The following DSE variants were observed in gnomAD, a reference collection of about 807,000 sequenced individuals.
The protein encoded by DSE is dermatan-sulfate epimerase.
A neutral mutation model predicts 84.4 loss-of-function variants in DSE; 36 were observed. That is an observed-to-expected ratio of 0.43 (90% CI 0.33 to 0.56). The LOEUF is 0.56. Among genes scored for constraint, DSE ranks in the 20% least tolerant of loss-of-function variants. The pLI is 0.06. For missense variants in DSE, 862 were observed against 1,169.6 expected (o/e 0.74, Z 3.84); for synonymous variants, 410 against 430.1 (o/e 0.95, Z 0.58).
chr6:116,386,642 TC>T (rs766452133), intron 1 of DSE, among the ~76,000 whole-genome samples: 3 of 152,194 alleles, frequency 2.0e-5, no homozygotes, highest in Non-Finnish European at 4.4e-5. Context: ...CTACTCAGAC[TC>T]CAGCCTCTCC....
intron 2 of DSE, among the ~76,000 whole-genome samples, chr6:116,261,084 T>C (rs567316978): frequency 2.6e-5 from 4 of 152,236 alleles, no homozygotes; most frequent in Admixed American, 2.6e-4. Flanking sequence ...GTAGGACCAT[T>C]ATAACAATAT....
chr6:116,399,272 G>C lies in DSE; in HGVS notation c.22G>C (p.Ala8Pro), dbSNP rs769988333. Residue 8 changes from alanine (A) to proline (P), a missense_variant, in exon 2 of 6, where the codon GCT becomes CCT. By Grantham distance (27) the Ala-to-Pro change is conservative. Transcript: ENST00000644252. MRTHTRGAPSVFFIYLLC... is the reference protein window; with the variant it reads MRTHTRGPPSVFFIYLLC... Reference sequence around the variant, plus strand: ...CACGATGAGGACTCACACACGGGGGGCTCCCAGTGTGTTTTTCATATATTT... The same window carrying C: ...CACGATGAGGACTCACACACGGGGGCCTCCCAGTGTGTTTTTCATATATTT... 2.5e-6 allele frequency: 4 copies of C among 1,613,714 alleles called. No homozygotes were observed. The highest frequency in any genetic ancestry group is 1.3e-5 in the African/African-American group (1 of 74,868).
intron 1 of DSE, among the ~76,000 whole-genome samples, chr6:116,381,900 A>G (rs1269331604): frequency 1.3e-5 from 2 of 152,132 alleles, no homozygotes; most frequent in African/African-American, 4.8e-5. Context: ...CTGTCAGCAG[A>G]CTGTTTCCTT....
At chr6:116,435,553 A>G in intron 5 of DSE, 34 bp from the exon 6 acceptor site, 1 of 1,537,212 alleles carries the variant, frequency 6.5e-7, no homozygotes, top group Non-Finnish European at 8.7e-7. Flanking sequence ...CACTGCCATC[A>G]GAAAACCATT....
chr6:116,316,819 AC>A (rs1776005197), intron 2 of DSE, among the ~76,000 whole-genome samples: 1 of 129,952 alleles, frequency 7.7e-6, no homozygotes, highest in African/African-American at 3.2e-5. Flanking sequence ...TACTACTACT[AC>A]TACTACTATT....
intron 2 of DSE, among the ~76,000 whole-genome samples, chr6:116,308,435 G>A (rs944067679): frequency 2.0e-5 from 3 of 152,126 alleles, no homozygotes; most frequent in African/African-American, 7.2e-5. Context: ...GAAAATATTT[G>A]TTGATAAATA....
chr6:116,402,285 T>C (rs561094002), intron 2 of DSE, among the ~76,000 whole-genome samples: 1 of 152,344 alleles, frequency 6.6e-6, no homozygotes, highest in African/African-American at 2.4e-5. Flanking sequence ...TGTATCATGC[T>C]GCACCCTAGT....
At chr6:116,360,271 T>A (rs1344917444) in intron 2 of DSE, among the ~76,000 whole-genome samples, 2 of 152,092 alleles carry the variant, frequency 1.3e-5, no homozygotes, top group Non-Finnish European at 2.9e-5. Context: ...GGTTGATAGG[T>A]GCAGCAAACC....
intron 2 of DSE, among the ~76,000 whole-genome samples, chr6:116,283,880 G>A (rs1773702653): frequency 6.6e-6 from 1 of 152,128 alleles, no homozygotes; most frequent in Non-Finnish European, 1.5e-5. Flanking sequence ...TTGTTCATTT[G>A]AATAAAATAA....
chr6:116,266,595 C>T (rs186850427), intron 2 of DSE, among the ~76,000 whole-genome samples: 37 of 152,204 alleles, frequency 2.4e-4, no homozygotes, highest in Admixed American at 6.5e-4. Flanking sequence ...GTTTATTTCA[C>T]TCATAATTTA....
At chr6:116,308,226 A>G (rs1189945799) in intron 2 of DSE, among the ~76,000 whole-genome samples, 2 of 152,150 alleles carry the variant, frequency 1.3e-5, no homozygotes, top group Non-Finnish European at 2.9e-5. Context: ...TGCCTGTTAT[A>G]TTGTATGTTG....
intron 2 of DSE, chr6:116,399,924 A>G (rs1400330360): frequency 6.5e-6 from 3 of 458,658 alleles, no homozygotes; most frequent in African/African-American, 3.9e-5. Context: ...TGAATTGAGT[A>G]AAGAGTATCA....
In DSE at chr6:116,258,495, A is replaced by G. The variant is rs532535563; in HGVS notation, c.-526A>G. On this transcript the variant is annotated 5_prime_UTR_variant, in exon 2 of 4. Coordinates refer to the DSE transcript ENST00000430252. Reference sequence around the variant, plus strand: ...TTATTGGGCAACAGCTGGGAAAATCAGCGGTTGGACTTGGCCACATGCTCC... The same window carrying G: ...TTATTGGGCAACAGCTGGGAAAATCGGCGGTTGGACTTGGCCACATGCTCC... 33 of 1,118,562 alleles carry G rather than the reference A, an allele frequency of 3.0e-5. No individual in the cohort carries two copies. The East Asian group carries it at 4.5e-4, about 15-fold the overall frequency. 69.3% of individuals were successfully genotyped at this position (1,118,562 alleles called of 1,614,324 possible). A position where few individuals can be genotyped will look rare whatever the true frequency, so the allele number is the denominator to read the frequency against.
intron 2 of DSE, among the ~76,000 whole-genome samples, chr6:116,339,826 T>C (rs973543476): frequency 2.0e-5 from 3 of 152,242 alleles, no homozygotes; most frequent in African/African-American, 7.2e-5. Context: ...AGAATCTCCA[T>C]TCTGCATTTA....
At chr6:116,293,039 C>T (rs1774389883) in intron 2 of DSE, among the ~76,000 whole-genome samples, 1 of 152,044 alleles carries the variant, frequency 6.6e-6, no homozygotes, top group Non-Finnish European at 1.5e-5. Flanking sequence ...TTAGGAATGA[C>T]TTTTACACAT....
chr6:116,357,002 A>G (rs912445729), intron 2 of DSE, among the ~76,000 whole-genome samples: 1 of 152,072 alleles, frequency 6.6e-6, no homozygotes, highest in African/African-American at 2.4e-5. Flanking sequence ...CTCCACACGG[A>G]GCTATGGTTT....
At chr6:116,264,948 G>A (rs770922632) in intron 2 of DSE, among the ~76,000 whole-genome samples, 3 of 152,046 alleles carry the variant, frequency 2.0e-5, no homozygotes, top group Non-Finnish European at 4.4e-5. Flanking sequence ...TCACTGTGTT[G>A]GGGGAACTGA....
At chr6:116,393,088 G>T (rs1781017953) in intron 1 of DSE, among the ~76,000 whole-genome samples, 1 of 152,204 alleles carries the variant, frequency 6.6e-6, no homozygotes, top group Non-Finnish European at 1.5e-5. Flanking sequence ...GTGTTTCCCA[G>T]TCGCTGTTAG....
At chr6:116,333,829 T>C (rs912009106) in intron 2 of DSE, among the ~76,000 whole-genome samples, 1 of 152,206 alleles carries the variant, frequency 6.6e-6, no homozygotes, top group African/African-American at 2.4e-5. Context: ...TTACATTACT[T>C]GATGCCTTTT....
Sources: allele counts gnomAD v4.1 joint callset (sites outside exome capture counted in the v4.1 genomes callset), GRCh38; gene constraint gnomAD v4.1.1; transcripts MANE v1.5; gene names NCBI Gene and HGNC (gene_info 2026-07-23, HGNC 2026-07-21).